FAM81A: variants seen among roughly 807,000 people sequenced by gnomAD.
FAM81A encodes protein FAM81A.
A neutral mutation model predicts 46.7 loss-of-function variants in FAM81A; 19 were observed. The observed-to-expected ratio is 0.41, with a 90% CI of 0.28 to 0.60. The LOEUF (loss-of-function observed/expected upper bound fraction) is 0.60, where lower values mean the gene tolerates loss of function less well. Among genes scored for constraint, FAM81A ranks in the 20% least tolerant of loss-of-function variants. FAM81A has a pLI of 0.34. For missense variants in FAM81A, 377 were observed against 453.5 expected, an observed-to-expected ratio of 0.83 and a Z score of 1.53; for synonymous variants, 183 against 152.9, an observed-to-expected ratio of 1.20 and a Z score of -1.45.
chr15:59,522,270 A>C lies in FAM81A; in HGVS notation c.*892A>C, dbSNP rs2141860310. 6.5e-6 allele frequency: 1 copy of C among 152,756 alleles called. No homozygotes were observed. The highest frequency in any genetic ancestry group is 1.9e-4 in the East Asian group (1 of 5,194). The allele number at this position is 152,756 out of a possible 1,614,324, so 9.5% of individuals were successfully genotyped here. ...GCTAGGGTTTATATACACTTATCGT[A>C]ACTGTATTTTTGTGCCTTGGTTTTA... On this transcript the variant is annotated 3_prime_UTR_variant, in exon 9 of 9. Transcript: ENST00000288228.
At position 59,404,417 on chromosome 15, in the gene FAM81A, T is replaced by C. The variant is rs78719091; in HGVS notation, c.-78+2059T>C. Among the ~76,000 whole-genome samples, 1,056 of 152,226 alleles carry C rather than the reference T, an allele frequency of 6.9e-3. 15 individuals carry two copies. The highest frequency in any genetic ancestry group is 0.024 in the African/African-American group (1,000 of 41,548). On this transcript the variant is annotated intron_variant, in intron 2 of 4. Transcript: ENST00000558348. ...TTCTCAGGTAGAAAGGCTGTTCACT[T>C]TGGTGTGGAATCCTGTAGCAGTTTG...
At position 59,521,533 on chromosome 15, in the gene FAM81A, A is replaced by G; in HGVS notation, c.*155A>G. 1 of 734,078 alleles carries G rather than the reference A, an allele frequency of 1.4e-6. No individual in the cohort carries two copies. The highest frequency in any genetic ancestry group is 2.0e-6 in the Non-Finnish European group (1 of 512,450). The allele number at this position is 734,078 out of a possible 1,614,324, so 45.5% of individuals were successfully genotyped here. A position where few individuals can be genotyped will look rare whatever the true frequency, so the allele number is the denominator to read the frequency against. On this transcript the variant is annotated 3_prime_UTR_variant, in exon 9 of 9. Transcript: ENST00000288228. Reference sequence around the variant, plus strand: ...TTTATGGGTCTAAATGTTTACCTTGAGTCTTGAAAATACTCTTTTGTTAAA... The same window carrying G: ...TTTATGGGTCTAAATGTTTACCTTGGGTCTTGAAAATACTCTTTTGTTAAA...
intron 3 of FAM81A, among the ~76,000 whole-genome samples, chr15:59,481,909 A>C (rs1308105295): frequency 6.6e-6 from 1 of 151,776 alleles, no homozygotes; most frequent in Non-Finnish European, 1.5e-5. Flanking sequence ...AATATTATAG[A>C]TTTAAAATAT....
Position 59,521,606 on chromosome 15 carries a change from A to C in FAM81A, c.*228A>C. ...AGTTTATTTCACTTCTCTAAATTCA[A>C]TGGAAATCCCCCGCCCTGGATTTTG... On this transcript the variant is annotated 3_prime_UTR_variant, in exon 9 of 9. Coordinates refer to ENST00000288228, the MANE Select transcript of FAM81A (RefSeq NM_152450.3). The C allele has an allele frequency of 5.0e-6, 2 of 400,950 alleles. No homozygotes were observed. The highest frequency in any genetic ancestry group is 4.2e-5 in the East Asian group (1 of 23,766). 24.8% of individuals were successfully genotyped at this position (400,950 alleles called of 1,614,324 possible).
chr15:59,482,021 A>G (rs1424766320), intron 3 of FAM81A, among the ~76,000 whole-genome samples: 3 of 152,042 alleles, frequency 2.0e-5, no homozygotes, highest in Non-Finnish European at 4.4e-5. Context: ...CAGAAAGTAT[A>G]CTCTCTGCTC....
chr15:59,479,884 G>C (rs1302774272), intron 3 of FAM81A, among the ~76,000 whole-genome samples: 1 of 152,206 alleles, frequency 6.6e-6, no homozygotes, highest in Non-Finnish European at 1.5e-5. Flanking sequence ...CTACATTAGT[G>C]AATAAAACAC....
intron 2 of FAM81A, among the ~76,000 whole-genome samples, chr15:59,412,718 G>GAA (rs34110501): frequency 0.51 from 73,765 of 145,742 alleles, 19,807 homozygotes; most frequent in Admixed American, 0.61. Context: ...CCCTGTCACA[G>GAA]AAAAAAAAAA....
Position 59,474,416 on chromosome 15 carries a change from C to T in FAM81A, c.294+14210C>T, listed in dbSNP as rs2081739995. On this transcript the variant is annotated intron_variant, in intron 3 of 8. Coordinates refer to ENST00000288228, the MANE Select transcript of FAM81A (RefSeq NM_152450.3). ...GTCTTCTTGCTGCATGCTTACATGG[C>T]AGAAGGTGGAAGGGCAAGAATGATG... 3.3e-5 allele frequency among the ~76,000 whole-genome samples: 5 copies of T among 152,126 alleles called. No homozygotes were observed. The South Asian group carries it at 1.0e-3, about 32-fold the overall frequency.
At chr15:59,414,045 C>T (rs2081134602) in intron 2 of FAM81A, among the ~76,000 whole-genome samples, 1 of 152,088 alleles carries the variant, frequency 6.6e-6, no homozygotes, top group African/African-American at 2.4e-5. Context: ...CCTCCATCTC[C>T]CGGGTTCAAG....
intron 4 of FAM81A, 23 bp from the exon 5 acceptor site, chr15:59,507,190 A>G: frequency 6.2e-7 from 1 of 1,600,394 alleles, no homozygotes; most frequent in Non-Finnish European, 8.5e-7. Context: ...AATAAGAATC[A>G]GCTTTGTTCT....
At chr15:59,519,408 C>CA (rs1479344814) in intron 8 of FAM81A, among the ~76,000 whole-genome samples, 1 of 151,916 alleles carries the variant, frequency 6.6e-6, no homozygotes, top group Non-Finnish European at 1.5e-5. Flanking sequence ...AGGCTGGTCT[C>CA]AAACTACTGA....
chr15:59,504,713 T>G (rs2082130967), intron 4 of FAM81A, among the ~76,000 whole-genome samples: 1 of 152,158 alleles, frequency 6.6e-6, no homozygotes, highest in Non-Finnish European at 1.5e-5. Context: ...GAAAAAGTCT[T>G]TATTTTGTAC....
At chr15:59,400,826 T>C (rs1250578235) in intron 1 of FAM81A, among the ~76,000 whole-genome samples, 1 of 152,236 alleles carries the variant, frequency 6.6e-6, no homozygotes, top group Non-Finnish European at 1.5e-5. Flanking sequence ...CATTCCCTAC[T>C]TTTCTTTCTC....
chr15:59,503,628 A>G (rs1192008126), intron 4 of FAM81A, among the ~76,000 whole-genome samples: 1 of 151,944 alleles, frequency 6.6e-6, no homozygotes, highest in Non-Finnish European at 1.5e-5. Flanking sequence ...GCTGGAGTGC[A>G]ATGGCGCAGT....
At chr15:59,430,867 G>A (rs11633362) in intron 2 of FAM81A, among the ~76,000 whole-genome samples, 26,094 of 152,212 alleles carry the variant, frequency 0.17, 2,856 homozygotes, top group South Asian at 0.28. Flanking sequence ...TATATGGAAT[G>A]AGTTAACCAG....
At chr15:59,512,497 A>AT (rs1202064733) in intron 6 of FAM81A, among the ~76,000 whole-genome samples, 4 of 149,330 alleles carry the variant, frequency 2.7e-5, no homozygotes, top group Non-Finnish European at 5.9e-5. Context: ...AAAAAAAAAA[A>AT]GCAATGCTGA....
intron 5 of FAM81A, 87 bp from the exon 6 acceptor site, chr15:59,508,776 T>G: frequency 7.1e-6 from 6 of 845,008 alleles, no homozygotes; most frequent in Non-Finnish European, 1.1e-5. Flanking sequence ...TTAATGCCAT[T>G]GACTACAATA....
chr15:59,498,106 T>A (rs1407687006), intron 4 of FAM81A, among the ~76,000 whole-genome samples: 4 of 152,208 alleles, frequency 2.6e-5, no homozygotes, highest in African/African-American at 9.7e-5. Context: ...CACTTTGGCC[T>A]CCCAAAGTGT....
intron 1 of FAM81A, among the ~76,000 whole-genome samples, chr15:59,454,059 G>T (rs1392494309): frequency 6.6e-6 from 1 of 152,238 alleles, no homozygotes; most frequent in Non-Finnish European, 1.5e-5. Context: ...TGAGGGTGCT[G>T]TTGGAGGTGA....
Sources: gnomAD v4.1 joint callset for allele counts (sites outside exome capture counted in the v4.1 genomes callset) on GRCh38, gnomAD v4.1.1 for gene constraint, MANE v1.5 for transcripts, NCBI Gene and HGNC (gene_info 2026-07-23, HGNC 2026-07-21) for gene names.